The following TESK1 variants were observed in gnomAD, a reference collection of about 807,000 sequenced individuals.
TESK1 encodes testis associated actin remodelling kinase 1.
In TESK1, 18 loss-of-function variants were observed where a neutral mutation model predicts 59.9. That is an observed-to-expected ratio of 0.30 (90% confidence interval 0.21 to 0.45). The LOEUF is 0.45. Ranked by LOEUF, TESK1 falls within the 20% of genes least tolerant of loss-of-function variation. TESK1 has a pLI of 1.00. For missense variants in TESK1, 748 were observed against 840.9 expected, an observed-to-expected ratio of 0.89 and a Z score of 1.37; for synonymous variants, 341 against 357.4, an observed-to-expected ratio of 0.95 and a Z score of 0.52.
At position 35,607,935 on chromosome 9, in the gene TESK1, T is replaced by C. The variant is rs775907128; in HGVS notation, c.719T>C (p.Val240Ala). ...RGELYDEKADVFAFGIVLCEL... is the reference protein window; with the variant it reads ...RGELYDEKADAFAFGIVLCEL... ...ATTATCTCTGACCCCCAGGCTGATG[T>C]CTTTGCCTTCGGGATTGTCCTCTGT... The change falls in exon 7 of 10, where the codon GTC becomes GCC. Residue 240 changes from valine to alanine, a missense_variant. Val to Ala is a moderately conservative substitution (Grantham distance 64). Transcript: ENST00000336395. The surrounding 1 kb of genome is among the most constrained non-coding windows in gnomAD (Gnocchi z 4.5). The C allele has an allele frequency of 6.2e-7, 1 of 1,614,182 alleles. No homozygotes were observed. The highest frequency in any genetic ancestry group is 8.5e-7 in the Non-Finnish European group (1 of 1,180,034).
In TESK1 at chr9:35,607,316, G is replaced by A. The variant is rs745620255; in HGVS notation, c.538-11G>A. The A allele has an allele frequency of 6.2e-7, 1 of 1,614,130 alleles. No individual in the cohort carries two copies. Among genetic ancestry groups the A allele is most frequent in the South Asian group, 1.1e-5 (1 of 91,086 alleles). ...ATGAGTGCGTGGGGATACTATGTGTGTGTGTGTCAGAACTGTCTAGTCCGA... is the reference window on the plus strand; with the variant it reads ...ATGAGTGCGTGGGGATACTATGTGTATGTGTGTCAGAACTGTCTAGTCCGA... On this transcript the variant is annotated splice_polypyrimidine_tract_variant and intron_variant, in intron 4 of 9. Transcript: ENST00000336395. The surrounding 1 kb of genome is among the most constrained non-coding windows in gnomAD (Gnocchi z 4.5).
chr9:35,605,444 A>T lies in TESK1; in HGVS notation c.-176A>T. On this transcript the variant is annotated 5_prime_UTR_variant, in exon 1 of 10. Transcript: ENST00000336395. ...AGCGGCGCGGCGTCCACCCGGGCCCAGCCAGCCGGCGCGGCGGGGGCGGGT... is the reference window on the plus strand; with the variant it reads ...AGCGGCGCGGCGTCCACCCGGGCCCTGCCAGCCGGCGCGGCGGGGGCGGGT... 1 of 213,388 alleles carries T rather than the reference A, an allele frequency of 4.7e-6. No homozygotes were observed. The highest frequency in any genetic ancestry group is 9.1e-6 in the Non-Finnish European group (1 of 109,766). The allele number at this position is 213,388 out of a possible 1,614,324, so 13.2% of individuals were successfully genotyped here. A position where few individuals can be genotyped will look rare whatever the true frequency, so the allele number is the denominator to read the frequency against.
At chr9:35,606,811 A>C (rs756347249) in intron 3 of TESK1, 26 bp from the exon 4 acceptor site, 2 of 1,577,214 alleles carry the variant, frequency 1.3e-6, no homozygotes, top group Non-Finnish European at 1.7e-6. Flanking sequence ...TCTGACATCT[A>C]TTCCCATTCT....
chr9:35,609,884 A>C lies in TESK1; in HGVS notation c.*142A>C. On this transcript the variant is annotated 3_prime_UTR_variant, in exon 10 of 10. Transcript: ENST00000336395. The surrounding 1 kb of genome is among the most constrained non-coding windows in gnomAD (Gnocchi z 6.7). ...GTAGGGGAGCCCCAGCATGGACTCA[A>C]GGGACAGAGCACTTCCAGTCGACCC... 9.6e-7 allele frequency: 1 copy of C among 1,041,234 alleles called. No homozygotes were observed. 64.5% of individuals were successfully genotyped at this position (1,041,234 alleles called of 1,614,324 possible).
Position 35,608,967 on chromosome 9 carries a change from C to G in TESK1, c.1106C>G (p.Pro369Arg), listed in dbSNP as rs754440579. The change falls in exon 10 of 10, where the codon CCC becomes CGC. Residue 369 changes from proline (P) to arginine (R), a missense_variant. Pro to Arg is a moderately radical substitution (Grantham distance 103). Coordinates refer to ENST00000336395, the MANE Select transcript of TESK1 (RefSeq NM_006285.3). ...LFLPPSPESP[P>R]NWGDNLTRVN... ...CTGCCCCCATCACCAGAATCACCCC[C>G]CAACTGGGGGGACAATCTGACTCGA... is the stretch of plus-strand genomic sequence containing the variant. The G allele has an allele frequency of 1.2e-5, 20 of 1,614,090 alleles. No homozygotes were observed. The highest frequency in any genetic ancestry group is 3.3e-5 in the Admixed American group (2 of 60,014).
In TESK1 at chr9:35,606,032, C is replaced by T; in HGVS notation, c.268C>T (p.Leu90Phe). The change falls in exon 2 of 10, where the codon CTC becomes TTC. Residue 90 changes from leucine to phenylalanine, a missense_variant. This residue lies in a region of TESK1 where 168 missense variants were observed against 257.4 expected (regional missense o/e 0.65). Transcript: ENST00000336395. Reference protein sequence around the residue: ...GQVMVLKMNKLPSNRGNTLRE... With the variant: ...GQVMVLKMNKFPSNRGNTLRE... ...AGTCATGGTGCTGAAGATGAACAAG[C>T]TCCCCAGTAACCGGGGCAACACACT... 6.2e-7 allele frequency: 1 copy of T among 1,614,160 alleles called. No individual in the cohort carries two copies. Among genetic ancestry groups the T allele is most frequent in the East Asian group, 2.2e-5 (1 of 44,860 alleles).
At position 35,608,143 on chromosome 9, in the gene TESK1, T is replaced by C. The variant is rs1178819936; in HGVS notation, c.796-17T>C. The C allele has an allele frequency of 6.2e-7, 1 of 1,613,712 alleles. No individual in the cohort carries two copies. The stretch of plus-strand genomic sequence containing the variant: ...CAAGAAAAGCTGACTTGGAGGTCCC[T>C]CCTTCTGTCCCCACAGGACTTTGGC... On this transcript the variant is annotated splice_polypyrimidine_tract_variant and intron_variant, in intron 7 of 9. Transcript: ENST00000336395.
Position 35,607,836 on chromosome 9 carries a change from C to T in TESK1, c.712-92C>T. The stretch of plus-strand genomic sequence containing the variant: ...CTAACACATGAAAACTGTCAAGATC[C>T]CCCACCCTCAACCAAATTCTGCTAT... On this transcript the variant is annotated intron_variant, in intron 6 of 9. Transcript: ENST00000336395. The surrounding 1 kb of genome is among the most constrained non-coding windows in gnomAD (Gnocchi z 4.5). The T allele has an allele frequency of 1.4e-6, 2 of 1,446,314 alleles. No individual in the cohort carries two copies. Among genetic ancestry groups the T allele is most frequent in the East Asian group, 4.6e-5 (2 of 43,608 alleles). 89.6% of individuals were successfully genotyped at this position (1,446,314 alleles called of 1,614,324 possible).
chr9:35,609,550 T>C lies in TESK1; in HGVS notation c.1689T>C (p.Asp563=). Reference sequence around the variant, plus strand: ...CCCCTTCAGCTCCCCGGGAGCCCGATGAGGGGCTGCCCTGTCCTGGCTGCT... The same window carrying C: ...CCCCTTCAGCTCCCCGGGAGCCCGACGAGGGGCTGCCCTGTCCTGGCTGCT... ...SPPPSAPREP[D]EGLPCPGCCL... is the part of the protein sequence containing the mutation. Residue 563 remains aspartate (D), a synonymous_variant, in exon 10 of 10, where the codon GAT becomes GAC. Transcript: ENST00000336395. The surrounding 1 kb of genome is among the most constrained non-coding windows in gnomAD (Gnocchi z 6.7). 6.2e-7 allele frequency: 1 copy of C among 1,613,328 alleles called. No homozygotes were observed.
chr9:35,608,911 C>T lies in TESK1; in HGVS notation c.1050C>T (p.Pro350=), dbSNP rs1822909003. The part of the protein sequence containing the change: ...GPSATLPRPD[P]RLSRSRSDLF... ...CTGCCACGCTTCCCAGGCCAGATCC[C>T]CGGCTTTCCCGAAGCCGGTCAGACC... The change falls in exon 10 of 10, where the codon CCC becomes CCT. Residue 350 remains proline, a synonymous_variant. Transcript: ENST00000336395. 1.2e-6 allele frequency: 2 copies of T among 1,611,884 alleles called. No homozygotes were observed. The highest frequency in any genetic ancestry group is 1.3e-5 in the African/African-American group (1 of 74,874).
At chr9:35,606,743 G>A in intron 3 of TESK1, 94 bp from the exon 4 acceptor site, 2 of 1,328,602 alleles carry the variant, frequency 1.5e-6, no homozygotes, top group Non-Finnish European at 1.0e-6. Context: ...TATGACCTCT[G>A]TGATCCTCGG....
rs747966223 is a variant in TESK1, at chr9:35,609,694, C to T, written c.1833C>T (p.His611=). Residue 611 remains histidine, a synonymous_variant, in exon 10 of 10, where the codon CAC becomes CAT. Coordinates refer to ENST00000336395, the MANE Select transcript of TESK1 (RefSeq NM_006285.3). This position sits in a 1 kb window ranked among gnomAD's most constrained non-coding sequence, Gnocchi z 6.7. ...GTCTCCTCTGCCACCGAGGGCACCA[C>T]GCCAAGCCACCCACACCCAGCCTGC... ...AGSLLCHRGH[H]AKPPTPSLQL... 1.0e-5 allele frequency: 16 copies of T among 1,601,064 alleles called. No individual in the cohort carries two copies. Among genetic ancestry groups the T allele is most frequent in the South Asian group, 4.4e-5 (4 of 90,954 alleles).
intron 2 of TESK1, 48 bp from the exon 3 acceptor site, chr9:35,606,189 C>G: frequency 6.2e-7 from 1 of 1,614,178 alleles, no homozygotes; most frequent in Non-Finnish European, 8.5e-7. Flanking sequence ...TGAGGAGGAG[C>G]TGAGGCCTTT....
intron 3 of TESK1, 78 bp downstream of exon 3, chr9:35,606,363 T>A (rs150279020): frequency 0.011 from 17,078 of 1,559,666 alleles, 234 homozygotes; most frequent in South Asian, 0.047. Flanking sequence ...GCCTGGTGGA[T>A]CTACGGAGGA....
In TESK1 at chr9:35,609,660, A is replaced by G; in HGVS notation, c.1799A>G (p.Glu600Gly). ...AVARYRNLNC[E>G]AGSLLCHRGH... is the part of the protein sequence containing the mutation. ...GCCCGCTACCGCAACCTGAACTGTG[A>G]GGCGGGCAGTCTCCTCTGCCACCGA... is the stretch of plus-strand genomic sequence containing the variant. Residue 600 changes from glutamate (E) to glycine (G), a missense_variant, in exon 10 of 10, where the codon GAG becomes GGG. Physicochemically the swap from Glu to Gly is moderately conservative, Grantham distance 98. This residue lies in a region of TESK1 where 447 missense variants were observed against 466.1 expected (regional missense o/e 0.96). Transcript: ENST00000336395. The surrounding 1 kb of genome is among the most constrained non-coding windows in gnomAD (Gnocchi z 6.7). The G allele has an allele frequency of 6.2e-7, 1 of 1,605,542 alleles. No homozygotes were observed.
rs1687143554 is a variant in TESK1, at chr9:35,605,282, T to C, written c.-338T>C. The stretch of plus-strand genomic sequence containing the variant: ...GCCGCGGAGCCTGATCCCCGGCGGC[T>C]AAGCGGAGCAGCCGCCGCCCGCCCG... On this transcript the variant is annotated 5_prime_UTR_variant, in exon 1 of 10. Transcript: ENST00000336395. 1 of 148,744 alleles carries C rather than the reference T, an allele frequency of 6.7e-6. No individual in the cohort carries two copies. The highest frequency in any genetic ancestry group is 6.7e-5 in the Admixed American group (1 of 14,944). 9.2% of individuals were successfully genotyped at this position (148,744 alleles called of 1,614,324 possible). A position where few individuals can be genotyped will look rare whatever the true frequency, so the allele number is the denominator to read the frequency against.
In TESK1 at chr9:35,607,700, A is replaced by G. The variant is rs753224133; in HGVS notation, c.711+28A>G. ...GAGACATCAACCCTTCAGATCCCCA[A>G]GGCCTTCCGAGACCCTTGAGGTATT... is the stretch of plus-strand genomic sequence containing the variant. On this transcript the variant is annotated intron_variant, in intron 6 of 9. Coordinates refer to ENST00000336395, the MANE Select transcript of TESK1 (RefSeq NM_006285.3). The surrounding 1 kb of genome is among the most constrained non-coding windows in gnomAD (Gnocchi z 4.5). The G allele has an allele frequency of 4.4e-6, 7 of 1,579,340 alleles. No individual in the cohort carries two copies. Among genetic ancestry groups the G allele is most frequent in the African/African-American group, 1.3e-5 (1 of 74,110 alleles).
intron 3 of TESK1, among the ~76,000 whole-genome samples, chr9:35,606,627 A>C (rs1822854533): frequency 6.6e-6 from 1 of 152,142 alleles, no homozygotes; most frequent in African/African-American, 2.4e-5. Flanking sequence ...TTGATTAAAA[A>C]ATTTTTTAAA....
In TESK1 at chr9:35,606,228, C is replaced by G. The variant is rs755084575; in HGVS notation, c.342-9C>G. On this transcript the variant is annotated splice_polypyrimidine_tract_variant and intron_variant, in intron 2 of 9. Coordinates refer to ENST00000336395, the MANE Select transcript of TESK1 (RefSeq NM_006285.3). ...AGCCTATCCTTCTATCTTCCCCATC[C>G]TCTTGCAGGTTCATGGGAGTCTGTG... The G allele has an allele frequency of 1.9e-6, 3 of 1,614,074 alleles. No homozygotes were observed. Among genetic ancestry groups the G allele is most frequent in the Non-Finnish European group, 2.5e-6 (3 of 1,180,034 alleles).
Sources: gnomAD v4.1 joint callset for allele counts (sites outside exome capture counted in the v4.1 genomes callset) on GRCh38, gnomAD v4.1.1 for gene constraint, gnomAD v4.1.1 regional missense constraint, Gnocchi (gnomAD v3.1) non-coding constraint, MANE v1.5 for transcripts, NCBI Gene and HGNC (gene_info 2026-07-23, HGNC 2026-07-21) for gene names.